The following RBPMS2 variants were observed in gnomAD, a reference collection of about 807,000 sequenced individuals.
RBPMS2 encodes the protein RNA-binding protein with multiple splicing 2.
A neutral mutation model predicts 25.7 loss-of-function variants in RBPMS2; 14 were observed. The ratio of observed to expected loss-of-function variants is 0.55; its 90% CI spans 0.36 to 0.85. RBPMS2 has a LOEUF of 0.85. Ranked by LOEUF, RBPMS2 falls within the 40% of genes least tolerant of loss-of-function variation. RBPMS2 has a pLI of 0.01. For synonymous variants in RBPMS2, 127 were observed against 115.6 expected (o/e 1.10, Z -0.63); for missense variants, 252 against 283.4 (o/e 0.89, Z 0.80).
chr15:64,749,450 G>A lies in RBPMS2; in HGVS notation c.248C>T (p.Ala83Val), dbSNP rs371776849. The change falls in exon 4 of 8, where the codon GCG (alanine) becomes GTG (valine). Residue 83 changes from alanine to valine, a missense_variant. Coordinates refer to ENST00000300069, the MANE Select transcript of RBPMS2 (RefSeq NM_194272.3). ...ACTCACGTTCAGCGCATTCTTGGCCGCTTCTGCTCCTGCACGGCTGTCAAA... is the reference window on the plus strand; with the variant it reads ...ACTCACGTTCAGCGCATTCTTGGCCACTTCTGCTCCTGCACGGCTGTCAAA... ...VIFDSRAGAEAAKNALNGIRF... is the reference protein window; with the variant it reads ...VIFDSRAGAEVAKNALNGIRF... The A allele has an allele frequency of 7.4e-6, 12 of 1,613,482 alleles. No homozygotes were observed. The highest frequency in any genetic ancestry group is 2.2e-5 in the East Asian group (1 of 44,882).
At chr15:64,744,793 GTTTTGTTTTTTT>G (rs2083600593) in intron 6 of RBPMS2, among the ~76,000 whole-genome samples, 14 of 57,812 alleles carry the variant, frequency 2.4e-4, no homozygotes, top group African/African-American at 1.1e-3. Context: ...TTTTTGGTTT[GTTTTGTTTTTTT>G]TTTTTTTTTT....
chr15:64,749,498 T>C lies in RBPMS2; in HGVS notation c.205-5A>G, dbSNP rs1248485226. 9.9e-6 allele frequency: 16 copies of C among 1,610,000 alleles called. No individual in the cohort carries two copies. Among genetic ancestry groups the C allele is most frequent in the Non-Finnish European group, 1.4e-5 (16 of 1,179,038 alleles). ...AAAGATCACAAAACCAACAGGCTAG[T>C]AGGAAAAAGAGAGAACACCCTTATA... is the stretch of plus-strand genomic sequence containing the variant. On this transcript the variant is annotated splice_polypyrimidine_tract_variant and splice_region_variant and intron_variant, in intron 3 of 7. Transcript: ENST00000300069.
intron 6 of RBPMS2, among the ~76,000 whole-genome samples, chr15:64,747,563 GTGGC>G (rs2083629644): frequency 6.6e-6 from 1 of 152,170 alleles, no homozygotes; most frequent in South Asian, 2.1e-4. Flanking sequence ...GCCCCTTCCT[GTGGC>G]TGCCTGGCTG....
At chr15:64,759,297 A>C (rs540706492) in intron 1 of RBPMS2, among the ~76,000 whole-genome samples, 3 of 152,180 alleles carry the variant, frequency 2.0e-5, no homozygotes, top group African/African-American at 7.2e-5. Flanking sequence ...ATCTAGGAGG[A>C]GCTTTTGGAC....
At chr15:64,753,111 T>C (rs955412338) in intron 1 of RBPMS2, among the ~76,000 whole-genome samples, 3 of 152,208 alleles carry the variant, frequency 2.0e-5, no homozygotes, top group Admixed American at 1.3e-4. Context: ...AAAACATTTT[T>C]TGAAACCGTG....
intron 1 of RBPMS2, among the ~76,000 whole-genome samples, chr15:64,765,528 G>A (rs1273087346): frequency 1.3e-5 from 2 of 149,926 alleles, no homozygotes; most frequent in African/African-American, 2.5e-5. Flanking sequence ...ACAGTGAGCC[G>A]TAATCATGCC....
intron 1 of RBPMS2, among the ~76,000 whole-genome samples, chr15:64,766,865 C>A (rs1335066935): frequency 2.0e-5 from 3 of 151,928 alleles, no homozygotes; most frequent in Non-Finnish European, 1.5e-5. Flanking sequence ...CATTAAGTGG[C>A]CTCCGCCTCC....
At chr15:64,762,312 T>C (rs2083796660) in intron 1 of RBPMS2, 3 of 511,666 alleles carry the variant, frequency 5.9e-6, no homozygotes, top group Non-Finnish European at 1.2e-5. Flanking sequence ...TCCCCACAGC[T>C]GAGTGTGAGT....
rs753472784 is a variant in RBPMS2 at position 64,740,328 on chromosome 15, G to C, written c.*680C>G. The C allele has an allele frequency of 6.6e-6, 1 of 152,292 alleles. No individual in the cohort carries two copies. The highest frequency in any genetic ancestry group is 2.4e-5 in the African/African-American group (1 of 41,442). The allele number at this position is 152,292 out of a possible 1,614,324, so 9.4% of individuals were successfully genotyped here. A position where few individuals can be genotyped will look rare whatever the true frequency, so the allele number is the denominator to read the frequency against. Reference sequence around the variant, plus strand: ...TGAGGAGCAGCGGCGGGCGGGGTGCGCTGTGGAGAGGTGAACAGAACGGGC... The same window carrying C: ...TGAGGAGCAGCGGCGGGCGGGGTGCCCTGTGGAGAGGTGAACAGAACGGGC... On this transcript the variant is annotated 3_prime_UTR_variant, in exon 8 of 8. Transcript: ENST00000300069.
chr15:64,750,001 G>C (rs2083660434), intron 3 of RBPMS2, among the ~76,000 whole-genome samples: 1 of 151,476 alleles, frequency 6.6e-6, no homozygotes, highest in Non-Finnish European at 1.5e-5. Context: ...TTAAAAGCTA[G>C]AGCTCAATCG....
At chr15:64,761,461 CAATGCT>C (rs1321620243) in intron 1 of RBPMS2, among the ~76,000 whole-genome samples, 4 of 152,232 alleles carry the variant, frequency 2.6e-5, no homozygotes, top group African/African-American at 9.6e-5. Flanking sequence ...GCTCACGAGT[CAATGCT>C]CTTTTGCAGA....
At chr15:64,760,101 T>C (rs2083769990) in intron 1 of RBPMS2, among the ~76,000 whole-genome samples, 1 of 152,212 alleles carries the variant, frequency 6.6e-6, no homozygotes, top group Non-Finnish European at 1.5e-5. Context: ...TTAGGGTCCC[T>C]CCTTCCAGGG....
intron 1 of RBPMS2, chr15:64,762,511 T>C: frequency 3.7e-6 from 2 of 534,692 alleles, no homozygotes; most frequent in South Asian, 1.4e-5. Context: ...CCAGATCTGA[T>C]CTGGCTTCCC....
At chr15:64,767,823 T>C (rs978058034) in intron 1 of RBPMS2, among the ~76,000 whole-genome samples, 1 of 152,132 alleles carries the variant, frequency 6.6e-6, no homozygotes, top group African/African-American at 2.4e-5. Flanking sequence ...GCATGCACCA[T>C]CACACCCAGC....
intron 1 of RBPMS2, among the ~76,000 whole-genome samples, chr15:64,756,446 G>C (rs551901676): frequency 1.1e-3 from 172 of 151,364 alleles, no homozygotes; most frequent in Admixed American, 1.2e-3. Flanking sequence ...ACCCTGGAGA[G>C]ATGGAGGTTG....
chr15:64,749,382 T>C (rs774691086), intron 4 of RBPMS2, 49 bp downstream of exon 4: 34 of 1,507,642 alleles, frequency 2.3e-5, no homozygotes, highest in Non-Finnish European at 3.0e-5. Flanking sequence ...GCACACCCAC[T>C]GCCTAAGAGG....
intron 1 of RBPMS2, among the ~76,000 whole-genome samples, chr15:64,761,956 C>T (rs1483060340): frequency 3.3e-5 from 5 of 151,868 alleles, no homozygotes; most frequent in African/African-American, 4.8e-5. Flanking sequence ...GTGATCCATC[C>T]GCCTCAGCAT....
At chr15:64,756,572 T>C (rs1207346165) in intron 1 of RBPMS2, among the ~76,000 whole-genome samples, 1 of 151,830 alleles carries the variant, frequency 6.6e-6, no homozygotes, top group Non-Finnish European at 1.5e-5. Context: ...GTTTGCTTCC[T>C]AGCTTCATGC....
In RBPMS2 at chr15:64,762,168, T is replaced by C. The variant is rs138353870; in HGVS notation, c.88-10530A>G. Reference sequence around the variant, plus strand: ...AACAAAGAGGACAGACACAGTATCTTGCAAAAGGTTGGGGTAGGTATGATG... The same window carrying C: ...AACAAAGAGGACAGACACAGTATCTCGCAAAAGGTTGGGGTAGGTATGATG... On this transcript the variant is annotated intron_variant, in intron 1 of 7. Transcript: ENST00000300069. 1.8e-3 allele frequency among the ~76,000 whole-genome samples: 270 copies of C among 152,096 alleles called. 10 individuals are homozygous for C. The East Asian group carries it at 0.047, about 26-fold the overall frequency.
Sources: allele counts gnomAD v4.1 joint callset (sites outside exome capture counted in the v4.1 genomes callset), GRCh38; gene constraint gnomAD v4.1.1; transcripts MANE v1.5; gene names NCBI Gene and HGNC (gene_info 2026-07-23, HGNC 2026-07-21).